Variants in ATG5 observed in about 807,000 individuals in gnomAD.
The protein encoded by ATG5 is autophagy related 5, also known as autophagy protein 5.
ATG5 carries 14 observed loss-of-function variants against 36.5 expected under a neutral mutation model. That is an observed-to-expected ratio of 0.38 (90% CI 0.25 to 0.60). The LOEUF (loss-of-function observed/expected upper bound fraction) is 0.60. ATG5 is among the 20% of genes least tolerant of loss of function. ATG5 has a pLI of 0.60. For synonymous variants in ATG5, 95 were observed against 101.5 expected (o/e 0.94, Z 0.38); for missense variants, 195 against 326.7 (o/e 0.60, Z 3.11).
At chr6:106,293,416 T>C (rs1187314704) in intron 3 of ATG5, among the ~76,000 whole-genome samples, 2 of 152,254 alleles carry the variant, frequency 1.3e-5, no homozygotes, top group Admixed American at 1.3e-4. Flanking sequence ...TTGTCATCCC[T>C]GTATTCATAA....
At chr6:106,289,282 A>G (rs1780209818) in intron 4 of ATG5, among the ~76,000 whole-genome samples, 1 of 152,206 alleles carries the variant, frequency 6.6e-6, no homozygotes, top group African/African-American at 2.4e-5. Flanking sequence ...TCTATAAGGC[A>G]GTACAATAGA....
At chr6:106,232,164 G>A (rs1194910753) in intron 6 of ATG5, among the ~76,000 whole-genome samples, 2 of 152,118 alleles carry the variant, frequency 1.3e-5, no homozygotes, top group South Asian at 2.1e-4. Flanking sequence ...AGAGCCCTGG[G>A]TATGCTTGAC....
intron 5 of ATG5, among the ~76,000 whole-genome samples, chr6:106,260,308 T>C (rs977452766): frequency 1.3e-5 from 2 of 152,220 alleles, no homozygotes; most frequent in African/African-American, 4.8e-5. Context: ...TGAGTGTGGC[T>C]TGGAATTTGA....
chr6:106,252,156 A>G (rs1189017121), intron 5 of ATG5, among the ~76,000 whole-genome samples: 1 of 152,188 alleles, frequency 6.6e-6, no homozygotes, highest in Non-Finnish European at 1.5e-5. Context: ...AACAAAGACT[A>G]AGTAGGAGAA....
At chr6:106,215,184 T>C (rs1233619629) in intron 6 of ATG5, among the ~76,000 whole-genome samples, 2 of 152,216 alleles carry the variant, frequency 1.3e-5, no homozygotes, top group Non-Finnish European at 2.9e-5. Context: ...TTAATTAGTA[T>C]AAACAAAGAA....
In ATG5 at chr6:106,184,717, C is replaced by CAGT. The variant is rs1442893231; in HGVS notation, c.*1822_*1823insACT. 6.6e-6 allele frequency: 1 copy of CAGT among 152,218 alleles called. No homozygotes were observed. The highest frequency in any genetic ancestry group is 6.6e-5 in the Admixed American group (1 of 15,264). 9.4% of individuals were successfully genotyped at this position (152,218 alleles called of 1,614,324 possible). On this transcript the variant is annotated 3_prime_UTR_variant, in exon 8 of 8. Coordinates refer to ENST00000369076, the MANE Select transcript of ATG5 (RefSeq NM_004849.4). ...ATCTAGATCAGAAGTTCACTCAAGC[C>CAGT]TACTGCAAAGGCCTGACACTGGTTT... is the stretch of plus-strand genomic sequence containing the variant.
chr6:106,279,053 G>A (rs1350096743), intron 5 of ATG5, among the ~76,000 whole-genome samples: 2 of 152,172 alleles, frequency 1.3e-5, no homozygotes, highest in Admixed American at 1.3e-4. Context: ...CTGGAACCAT[G>A]GAAAGGGAGG....
chr6:106,231,430 GCAGT>G (rs1777686197), intron 6 of ATG5, among the ~76,000 whole-genome samples: 1 of 152,210 alleles, frequency 6.6e-6, no homozygotes, highest in South Asian at 2.1e-4. Flanking sequence ...AGGCCAGCAG[GCAGT>G]TCCCAGTGTA....
chr6:106,288,893 C>A (rs1780192077), intron 4 of ATG5, among the ~76,000 whole-genome samples: 2 of 152,072 alleles, frequency 1.3e-5, no homozygotes, highest in Admixed American at 1.3e-4. Context: ...AACTGTTTAA[C>A]AGTGTTTTTT....
intron 6 of ATG5, among the ~76,000 whole-genome samples, chr6:106,246,827 A>G (rs1224797322): frequency 2.0e-5 from 3 of 152,224 alleles, no homozygotes; most frequent in Non-Finnish European, 4.4e-5. Flanking sequence ...GTTACTGTGG[A>G]GCTCATGGTA....
At chr6:106,307,535 C>G (rs2355381) in intron 3 of ATG5, among the ~76,000 whole-genome samples, 2 of 105,148 alleles carry the variant, frequency 1.9e-5, no homozygotes, top group East Asian at 5.9e-4. Context: ...TTTCAATACC[C>G]TTTTTTTTTT....
intron 3 of ATG5, among the ~76,000 whole-genome samples, chr6:106,298,309 T>A (rs1042088957): frequency 2.0e-5 from 3 of 152,132 alleles, no homozygotes; most frequent in African/African-American, 7.2e-5. Flanking sequence ...TGGTCCCAGA[T>A]GGTAAATGAC....
chr6:106,279,180 C>T (rs1440656526), intron 5 of ATG5, among the ~76,000 whole-genome samples: 1 of 152,180 alleles, frequency 6.6e-6, no homozygotes, highest in African/African-American at 2.4e-5. Flanking sequence ...GCACCACATT[C>T]CACTTAGCTT....
chr6:106,228,821 C>T (rs1777549192), intron 6 of ATG5, among the ~76,000 whole-genome samples: 1 of 152,148 alleles, frequency 6.6e-6, no homozygotes, highest in Admixed American at 6.5e-5. Flanking sequence ...AGGTATGAGG[C>T]TATCTGGGGA....
intron 7 of ATG5, among the ~76,000 whole-genome samples, chr6:106,197,487 A>G (rs952410025): frequency 7.5e-6 from 1 of 134,140 alleles, no homozygotes; most frequent in African/African-American, 2.8e-5. Context: ...TTTATCACCA[A>G]AGTTGGAAAT....
At chr6:106,287,618 A>C (rs60779729) in intron 4 of ATG5, among the ~76,000 whole-genome samples, 3,744 of 152,286 alleles carry the variant, frequency 0.025, 62 homozygotes, top group African/African-American at 0.049. Flanking sequence ...AAAAACACCA[A>C]GGTTTTATAG....
At chr6:106,291,644 A>G (rs2114627805) in intron 4 of ATG5, among the ~76,000 whole-genome samples, 1 of 152,362 alleles carries the variant, frequency 6.6e-6, no homozygotes, top group African/African-American at 2.4e-5. Flanking sequence ...CACACACAAA[A>G]AAATCTAATT....
chr6:106,296,291 T>C (rs1769931607), intron 3 of ATG5, among the ~76,000 whole-genome samples: 1 of 152,158 alleles, frequency 6.6e-6, no homozygotes, highest in Non-Finnish European at 1.5e-5. Context: ...AAATCTAAGA[T>C]ATATTTTAGG....
intron 5 of ATG5, among the ~76,000 whole-genome samples, chr6:106,256,302 G>A (rs1324535292): frequency 1.3e-5 from 2 of 152,170 alleles, no homozygotes; most frequent in South Asian, 2.1e-4. Context: ...AATGGTCACT[G>A]GAGATGCAGT....
Sources: allele counts gnomAD v4.1 joint callset (sites outside exome capture counted in the v4.1 genomes callset), GRCh38; gene constraint gnomAD v4.1.1; transcripts MANE v1.5; gene names NCBI Gene and HGNC (gene_info 2026-07-23, HGNC 2026-07-21).